Variants in TRAF3 observed in about 807,000 individuals in gnomAD.
TRAF3 encodes the protein TNF receptor associated factor 3.
In TRAF3, 13 loss-of-function variants were observed where a neutral mutation model predicts 62.3. The observed-to-expected ratio is 0.21, with a 90% CI of 0.14 to 0.33. The LOEUF (loss-of-function observed/expected upper bound fraction) is 0.33. Ranked by LOEUF, TRAF3 falls within the 10% of genes least tolerant of loss-of-function variation. The pLI is 1.00. For synonymous variants in TRAF3, 269 were observed against 283.4 expected (o/e 0.95, Z 0.51); for missense variants, 440 against 741.8 (o/e 0.59, Z 4.73).
chr14:102,801,145 G>T (rs955805035), intron 1 of TRAF3, among the ~76,000 whole-genome samples: 90 of 152,290 alleles, frequency 5.9e-4, no homozygotes, highest in African/African-American at 1.9e-3. Context: ...CCGCCTGGGC[G>T]ACAGAACGAG....
intron 1 of TRAF3, among the ~76,000 whole-genome samples, chr14:102,785,288 T>TA (rs1897440567): frequency 1.3e-5 from 2 of 152,344 alleles, no homozygotes; most frequent in Middle Eastern, 3.4e-3. Flanking sequence ...GTTCCTTTCT[T>TA]ACAGCAGCCT....
intron 2 of TRAF3, among the ~76,000 whole-genome samples, chr14:102,858,186 C>G (rs113482840): frequency 1.3e-4 from 19 of 150,844 alleles, no homozygotes; most frequent in African/African-American, 4.2e-4. Flanking sequence ...CAGTCTCACT[C>G]TGTCGCCCAG....
intron 1 of TRAF3, chr14:102,809,015 C>G (rs1383794283): frequency 6.6e-6 from 1 of 152,084 alleles, no homozygotes; most frequent in East Asian, 1.9e-4. Context: ...GAGATGGCGT[C>G]TCGCTCTGTC....
At chr14:102,791,233 A>G (rs1897776527) in intron 1 of TRAF3, among the ~76,000 whole-genome samples, 1 of 151,864 alleles carries the variant, frequency 6.6e-6, no homozygotes, top group African/African-American at 2.4e-5. Context: ...GTTAGCCAGG[A>G]TGGTTTCAAT....
At chr14:102,829,773 A>T (rs990861212) in intron 1 of TRAF3, among the ~76,000 whole-genome samples, 2 of 152,208 alleles carry the variant, frequency 1.3e-5, no homozygotes, top group Non-Finnish European at 2.9e-5. Flanking sequence ...CAAGCTTGTG[A>T]AAATGATAAA....
At chr14:102,885,008 A>T (rs1889293255) in intron 6 of TRAF3, among the ~76,000 whole-genome samples, 1 of 152,128 alleles carries the variant, frequency 6.6e-6, no homozygotes, top group Admixed American at 6.5e-5. Flanking sequence ...TCGAACACAG[A>T]AAGTTACTGA....
In TRAF3 at chr14:102,870,207, G is replaced by T. The variant is rs1435980220; in HGVS notation, c.6G>T (p.Glu2Asp). Residue 2 changes from glutamate to aspartate, a missense_variant, in exon 3 of 12, where the codon GAG (glutamate) becomes GAT (aspartate). Transcript: ENST00000392745. MESSKKMDSPGA... is the reference protein window; with the variant it reads MDSSKKMDSPGA... ...CAGAACTCCTCTTTCCTAAAATGGA[G>T]TCGAGTAAAAAGATGGACTCTCCTG... The T allele has an allele frequency of 1.9e-6, 3 of 1,614,150 alleles. No homozygotes were observed. The highest frequency in any genetic ancestry group is 2.5e-6 in the Non-Finnish European group (3 of 1,180,028).
intron 1 of TRAF3, among the ~76,000 whole-genome samples, chr14:102,829,036 T>C (rs1900498909): frequency 6.6e-6 from 1 of 152,108 alleles, no homozygotes; most frequent in African/African-American, 2.4e-5. Flanking sequence ...TCTGTGTTTA[T>C]CCGTGGGGTG....
chr14:102,806,463 A>G (rs1455657528), intron 1 of TRAF3, among the ~76,000 whole-genome samples: 1 of 152,210 alleles, frequency 6.6e-6, no homozygotes, highest in Non-Finnish European at 1.5e-5. Context: ...TTGAGTAGAT[A>G]CCATTAGAAA....
intron 1 of TRAF3, among the ~76,000 whole-genome samples, chr14:102,820,288 G>A (rs923035165): frequency 2.6e-5 from 4 of 152,098 alleles, no homozygotes; most frequent in African/African-American, 7.2e-5. Flanking sequence ...GGCTGCCCGG[G>A]TCCAAGGAGG....
chr14:102,836,136 G>A (rs918415040), intron 2 of TRAF3, among the ~76,000 whole-genome samples: 1 of 152,188 alleles, frequency 6.6e-6, no homozygotes, highest in Admixed American at 6.5e-5. Flanking sequence ...CTGGGGCAGA[G>A]CCAGTGCCGT....
chr14:102,879,890 G>A (rs1467776781), intron 6 of TRAF3, among the ~76,000 whole-genome samples: 2 of 152,058 alleles, frequency 1.3e-5, no homozygotes, highest in African/African-American at 4.8e-5. Context: ...GCTGAAACAG[G>A]AGGATCACTT....
chr14:102,811,559 T>TG (rs1899148739), intron 1 of TRAF3, among the ~76,000 whole-genome samples: 2 of 149,202 alleles, frequency 1.3e-5, no homozygotes, highest in Non-Finnish European at 3.0e-5. Flanking sequence ...GGTTTTTTTT[T>TG]TTTTTTTTTT....
At chr14:102,834,455 T>C (rs1420304436) in intron 2 of TRAF3, among the ~76,000 whole-genome samples, 1 of 151,454 alleles carries the variant, frequency 6.6e-6, no homozygotes, top group Non-Finnish European at 1.5e-5. Flanking sequence ...TCCCAGCACT[T>C]TGGGAGGCCG....
intron 1 of TRAF3, among the ~76,000 whole-genome samples, chr14:102,789,346 T>C (rs1266235225): frequency 2.6e-5 from 4 of 152,222 alleles, no homozygotes; most frequent in Non-Finnish European, 4.4e-5. Context: ...TCTGTGTAGG[T>C]ATGTTTTTAT....
chr14:102,902,060 C>T (rs1890331480), intron 10 of TRAF3, among the ~76,000 whole-genome samples: 2 of 152,256 alleles, frequency 1.3e-5, no homozygotes, highest in Non-Finnish European at 2.9e-5. Context: ...ACAGACTGGG[C>T]CACCAGGGCG....
chr14:102,830,088 C>T (rs1223765731), intron 1 of TRAF3, among the ~76,000 whole-genome samples: 2 of 152,210 alleles, frequency 1.3e-5, no homozygotes, highest in African/African-American at 4.8e-5. Flanking sequence ...GGCCTGAGGT[C>T]GGAAGGTTGG....
chr14:102,818,719 G>A (rs372047475), intron 1 of TRAF3, among the ~76,000 whole-genome samples: 44 of 152,184 alleles, frequency 2.9e-4, no homozygotes, highest in Non-Finnish European at 4.7e-4. Flanking sequence ...TGTGGTATCC[G>A]TCACATATTT....
At chr14:102,840,741 A>G (rs1225275258) in intron 2 of TRAF3, among the ~76,000 whole-genome samples, 1 of 152,162 alleles carries the variant, frequency 6.6e-6, no homozygotes, top group Non-Finnish European at 1.5e-5. Context: ...CAAGTACCTC[A>G]CTTGGCTTGC....
Sources: allele counts gnomAD v4.1 joint callset (sites outside exome capture counted in the v4.1 genomes callset), GRCh38; gene constraint gnomAD v4.1.1; transcripts MANE v1.5; gene names NCBI Gene and HGNC (gene_info 2026-07-23, HGNC 2026-07-21).